The following ANXA10 variants were observed in gnomAD, a reference collection of about 807,000 sequenced individuals.
ANXA10 encodes the protein annexin A10.
In ANXA10, 49 loss-of-function variants were observed where a neutral mutation model predicts 53.5. The ratio of observed to expected loss-of-function variants is 0.92; its 90% CI spans 0.73 to 1.16. ANXA10 has a LOEUF of 1.16. Among genes scored for constraint, ANXA10 ranks in the 50% most tolerant of loss-of-function variants. The pLI is 0.00. For missense variants in ANXA10, 393 were observed against 394.4 expected (o/e 1.00, Z 0.03); for synonymous variants, 131 against 128.9 (o/e 1.02, Z -0.11).
At chr4:168,139,790 TCA>T (rs1731298137) in intron 3 of ANXA10, among the ~76,000 whole-genome samples, 3 of 152,208 alleles carry the variant, frequency 2.0e-5, no homozygotes, top group Admixed American at 6.5e-5. Context: ...ATGTTCACAC[TCA>T]CAGTGACCAG....
Position 168,108,303 on chromosome 4 carries a change from G to C in ANXA10, c.18+15585G>C, listed in dbSNP as rs565646860. 5.3e-5 allele frequency among the ~76,000 whole-genome samples: 8 copies of C among 152,226 alleles called. No individual in the cohort carries two copies. The East Asian group carries it at 1.5e-3, about 29-fold the overall frequency. On this transcript the variant is annotated intron_variant, in intron 1 of 11. Transcript: ENST00000359299. The stretch of plus-strand genomic sequence containing the variant: ...ATCCTGTGACTTAGAATGCCTAACT[G>C]TCTGGGAATGCAGGCCAGTAGGTCT...
At chr4:168,167,355 G>C (rs937400068) in intron 6 of ANXA10, among the ~76,000 whole-genome samples, 1 of 152,120 alleles carries the variant, frequency 6.6e-6, no homozygotes, top group Non-Finnish European at 1.5e-5. Flanking sequence ...ACACTTTATT[G>C]TAAAATAGGC....
intron 1 of ANXA10, among the ~76,000 whole-genome samples, chr4:168,124,194 C>G (rs1455281279): frequency 6.6e-6 from 1 of 152,172 alleles, no homozygotes; most frequent in Non-Finnish European, 1.5e-5. Context: ...CTAAAGGCAT[C>G]ATGAATGGCT....
At position 168,135,119 on chromosome 4, in the gene ANXA10, G is replaced by A. The variant is rs1044935916; in HGVS notation, c.101-4367G>A. ...ACTATTGCAAGAAGGGAGAGAGAGT[G>A]AACTCAAATCCTATGAAACAAAGGC... On this transcript the variant is annotated intron_variant, in intron 2 of 11. Transcript: ENST00000359299. Among the ~76,000 whole-genome samples the A allele has an allele frequency of 2.6e-5, 4 of 152,206 alleles. No homozygotes were observed. In the East Asian group the frequency reaches 7.7e-4, roughly 29 times the overall value.
Position 168,116,733 on chromosome 4 carries a change from T to G in ANXA10, c.19-11351T>G, listed in dbSNP as rs192980225. Among the ~76,000 whole-genome samples, 24 of 152,280 alleles carry G rather than the reference T, an allele frequency of 1.6e-4. 1 individual carries two copies. Among genetic ancestry groups the G allele is most frequent in the African/African-American group, 5.5e-4 (23 of 41,568 alleles). On this transcript the variant is annotated intron_variant, in intron 1 of 11. Transcript: ENST00000359299. ...ATCCCATTATGGAATAAAGGTAGTA[T>G]TATAAACTGGTGTCGTTTTTCATAC... is the stretch of plus-strand genomic sequence containing the variant.
At chr4:168,118,921 C>T (rs544127077) in intron 1 of ANXA10, among the ~76,000 whole-genome samples, 1 of 151,906 alleles carries the variant, frequency 6.6e-6, no homozygotes, top group East Asian at 1.9e-4. Flanking sequence ...AAGTATCTGG[C>T]TAACAGAGAA....
chr4:168,157,589 A>G (rs2149476408), intron 3 of ANXA10, among the ~76,000 whole-genome samples: 1 of 152,304 alleles, frequency 6.6e-6, no homozygotes, highest in Non-Finnish European at 1.5e-5. Context: ...TAATACCTCC[A>G]GACTTTGTGT....
rs145284874 is a variant in ANXA10 at position 168,177,919 on chromosome 4, G to A, written c.564G>A (p.Thr188=). The part of the protein sequence containing the change: ...MVLWEACQQK[T]GEHKTMLQMI... ...TATGGGAAGCCTGTCAGCAGAAGAC[G>A]GGGGAGCACAAAACCATGCTGCAAA... The change falls in exon 8 of 12, where the codon ACG becomes ACA. Residue 188 remains threonine (T), a synonymous_variant. Transcript: ENST00000359299. 4.6e-4 allele frequency: 740 copies of A among 1,614,004 alleles called. 5 individuals are homozygous for A. The African/African-American group carries it at 8.0e-3, about 17-fold the overall frequency.
At chr4:168,129,029 A>G (rs990801729) in intron 2 of ANXA10, among the ~76,000 whole-genome samples, 3 of 152,106 alleles carry the variant, frequency 2.0e-5, no homozygotes, top group Non-Finnish European at 1.5e-5. Context: ...ACCTGTTTTA[A>G]GAAGACTCTT....
Position 168,184,682 on chromosome 4 carries a change from G to A in ANXA10, c.906+1G>A, listed in dbSNP as rs1350973388. ...AAAATCCCTATTTCATGATATCAGAGTAAGTTTCCGACACATGATTTATTT... is the reference window on the plus strand; with the variant it reads ...AAAATCCCTATTTCATGATATCAGAATAAGTTTCCGACACATGATTTATTT... On this transcript the variant is annotated splice_donor_variant, in intron 11 of 11. Coordinates refer to ENST00000359299, the MANE Select transcript of ANXA10 (RefSeq NM_007193.5). LOFTEE classifies it high-confidence loss of function. The A allele has an allele frequency of 2.5e-6, 4 of 1,613,382 alleles. No individual in the cohort carries two copies. In the South Asian group the frequency reaches 4.4e-5, roughly 18 times the overall value.
Position 168,138,460 on chromosome 4 carries a change from T to C in ANXA10, c.101-1026T>C, listed in dbSNP as rs536946120. Among the ~76,000 whole-genome samples the C allele has an allele frequency of 2.0e-5, 3 of 152,326 alleles. No individual in the cohort carries two copies. In the South Asian group the frequency reaches 6.2e-4, roughly 32 times the overall value. On this transcript the variant is annotated intron_variant, in intron 2 of 11. Coordinates refer to ENST00000359299, the MANE Select transcript of ANXA10 (RefSeq NM_007193.5). ...AATGGAGTTATTTGTTTTCTCTTGT[T>C]CTTATTGCAGTAGCATGCTGTTTTG...
chr4:168,162,779 T>C, intron 4 of ANXA10, 138 bp downstream of exon 4: 1 of 720,644 alleles, frequency 1.4e-6, no homozygotes, highest in Non-Finnish European at 2.4e-6. Context: ...GATGTAACAA[T>C]GGAAATGTTG....
intron 2 of ANXA10, 101 bp from the exon 3 acceptor site, chr4:168,139,385 C>T (rs1473195672): frequency 1.2e-6 from 1 of 821,644 alleles, no homozygotes; most frequent in Non-Finnish European, 1.9e-6. Flanking sequence ...AAAATACCAT[C>T]AGGGATAATG....
chr4:168,104,724 G>A (rs1730691918), intron 1 of ANXA10, among the ~76,000 whole-genome samples: 1 of 151,718 alleles, frequency 6.6e-6, no homozygotes, highest in South Asian at 2.1e-4. Context: ...TTTATAGTTT[G>A]TATCTTAGTT....
chr4:168,168,482 C>G lies in ANXA10; in HGVS notation c.480+3156C>G, dbSNP rs1054254180. On this transcript the variant is annotated intron_variant, in intron 6 of 11. Coordinates refer to ENST00000359299, the MANE Select transcript of ANXA10 (RefSeq NM_007193.5). ...TCACCCAGGCTGGAGTGCAATGGTG[C>G]AATCTTGGCTCACTGCAACCTCTGC... 2.0e-5 allele frequency among the ~76,000 whole-genome samples: 3 copies of G among 152,010 alleles called. No homozygotes were observed. In the East Asian group the frequency reaches 5.8e-4, roughly 29 times the overall value.
chr4:168,110,984 G>C (rs975828641), intron 1 of ANXA10, among the ~76,000 whole-genome samples: 1 of 152,090 alleles, frequency 6.6e-6, no homozygotes, highest in South Asian at 2.1e-4. Flanking sequence ...TAATATCACT[G>C]GTCTCTGCTA....
intron 3 of ANXA10, among the ~76,000 whole-genome samples, chr4:168,152,786 T>G (rs938620014): frequency 1.3e-4 from 20 of 148,594 alleles, no homozygotes; most frequent in Non-Finnish European, 2.2e-4. Context: ...AAAATATAAC[T>G]CATAGGGCTT....
At position 168,119,851 on chromosome 4, in the gene ANXA10, T is replaced by C. The variant is rs568601457; in HGVS notation, c.19-8233T>C. On this transcript the variant is annotated intron_variant, in intron 1 of 11. Transcript: ENST00000359299. ...ATAAGTATATACATACCAAATTAAC[T>C]GGTACAAGAAATTAGGGAAAGAATT... Among the ~76,000 whole-genome samples, 6 of 152,194 alleles carry C rather than the reference T, an allele frequency of 3.9e-5. 1 individual carries two copies. In the South Asian group the frequency reaches 1.2e-3, roughly 32 times the overall value.
intron 1 of ANXA10, among the ~76,000 whole-genome samples, chr4:168,112,833 C>A (rs1207637873): frequency 1.3e-5 from 2 of 152,000 alleles, no homozygotes; most frequent in Non-Finnish European, 2.9e-5. Flanking sequence ...CCAGCCTGAC[C>A]AGCATGATGA....
Sources: allele counts gnomAD v4.1 joint callset (sites outside exome capture counted in the v4.1 genomes callset), GRCh38; gene constraint gnomAD v4.1.1; transcripts MANE v1.5; gene names NCBI Gene and HGNC (gene_info 2026-07-23, HGNC 2026-07-21).